NXPE4: variants seen among roughly 807,000 people sequenced by gnomAD.
The protein encoded by NXPE4 is neurexophilin and PC-esterase domain family member 4.
In NXPE4, 42 loss-of-function variants were observed where a neutral mutation model predicts 33.3. The observed-to-expected ratio is 1.26, with a 90% CI of 0.98 to 1.63. The LOEUF is 1.63. Ranked by LOEUF, NXPE4 falls within the 40% of genes most tolerant of loss-of-function variation. The pLI is 0.00. For missense variants in NXPE4, 709 were observed against 647.6 expected, an observed-to-expected ratio of 1.09 and a Z score of -1.03; for synonymous variants, 253 against 234.9, an observed-to-expected ratio of 1.08 and a Z score of -0.71.
the NXPE4 span, among the ~76,000 whole-genome samples, chr11:114,603,083 G>T: frequency 6.6e-6 from 1 of 151,264 alleles, no homozygotes; most frequent in Admixed American, 6.6e-5. Flanking sequence ...ATTACCTAGT[G>T]GATAATAATT....
the NXPE4 span, among the ~76,000 whole-genome samples, chr11:114,601,738 TAATTATAA>T: frequency 1.4e-5 from 1 of 72,018 alleles, no homozygotes; most frequent in African/African-American, 5.8e-5. Context: ...ATATTATATA[TAATTATAA>T]TATATAATAT....
chr11:114,650,662 T>C, the NXPE4 span, among the ~76,000 whole-genome samples: 2 of 152,054 alleles, frequency 1.3e-5, no homozygotes, highest in African/African-American at 4.8e-5. Flanking sequence ...ACCCAGGATA[T>C]ATGCTGATAT....
chr11:114,615,613 A>T, the NXPE4 span, among the ~76,000 whole-genome samples: 8 of 149,162 alleles, frequency 5.4e-5, no homozygotes, highest in South Asian at 1.7e-3. Context: ...ATGGGTAACC[A>T]CTGGTACCTG....
chr11:114,666,161 C>T, the NXPE4 span, among the ~76,000 whole-genome samples: 1 of 152,156 alleles, frequency 6.6e-6, no homozygotes, highest in Non-Finnish European at 1.5e-5. Flanking sequence ...CTCCTTCTCT[C>T]TCTAAGGCTC....
At chr11:114,619,312 C>T in the NXPE4 span, among the ~76,000 whole-genome samples, 3 of 152,092 alleles carry the variant, frequency 2.0e-5, no homozygotes, top group Non-Finnish European at 4.4e-5. Context: ...CCACTGTTCC[C>T]CGCTGGATAA....
intron 4 of NXPE4, among the ~76,000 whole-genome samples, chr11:114,581,510 T>G (rs143022326): frequency 7.9e-5 from 12 of 152,174 alleles, no homozygotes; most frequent in African/African-American, 2.9e-4. Flanking sequence ...ACAAATAGAC[T>G]GATGATGAGA....
chr11:114,653,356 AG>A, the NXPE4 span, among the ~76,000 whole-genome samples: 1 of 152,156 alleles, frequency 6.6e-6, no homozygotes, highest in Non-Finnish European at 1.5e-5. Context: ...TGTCCCTATA[AG>A]CTCAACGGTT....
At chr11:114,630,668 C>G in the NXPE4 span, among the ~76,000 whole-genome samples, 1 of 150,664 alleles carries the variant, frequency 6.6e-6, no homozygotes, top group Non-Finnish European at 1.5e-5. Context: ...CCAAAATTGA[C>G]AAATGGGATC....
chr11:114,632,922 T>C, the NXPE4 span, among the ~76,000 whole-genome samples: 1 of 89,860 alleles, frequency 1.1e-5, no homozygotes, highest in Non-Finnish European at 2.0e-5. Flanking sequence ...ATATTTTATA[T>C]AATTATATAA....
At chr11:114,666,445 A>G in the NXPE4 span, among the ~76,000 whole-genome samples, 1 of 152,218 alleles carries the variant, frequency 6.6e-6, no homozygotes, top group African/African-American at 2.4e-5. Context: ...ATTACTATCA[A>G]AGTATAAAAC....
At chr11:114,580,589 T>A (rs1190336155) in intron 4 of NXPE4, among the ~76,000 whole-genome samples, 2 of 152,234 alleles carry the variant, frequency 1.3e-5, no homozygotes, top group East Asian at 3.9e-4. Flanking sequence ...AGAAAAAAAA[T>A]GGCTTTCTGG....
At chr11:114,618,173 G>T in the NXPE4 span, among the ~76,000 whole-genome samples, 2 of 151,862 alleles carry the variant, frequency 1.3e-5, no homozygotes, top group African/African-American at 2.4e-5. Context: ...GGTAACCATT[G>T]GTACCCGGTG....
At chr11:114,661,188 A>G in the NXPE4 span, among the ~76,000 whole-genome samples, 1 of 152,192 alleles carries the variant, frequency 6.6e-6, no homozygotes, top group East Asian at 1.9e-4. Context: ...AAATTGATCT[A>G]TAGATTCAAT....
the NXPE4 span, among the ~76,000 whole-genome samples, chr11:114,665,624 A>T: frequency 1.3e-5 from 2 of 152,174 alleles, no homozygotes; most frequent in South Asian, 4.1e-4. Context: ...ACTAGAACAG[A>T]TTGCTAAGAG....
At chr11:114,616,946 G>T in the NXPE4 span, among the ~76,000 whole-genome samples, 1 of 146,574 alleles carries the variant, frequency 6.8e-6, no homozygotes, top group Non-Finnish European at 1.5e-5. Context: ...GTTGCCTTGT[G>T]GGTATCCACT....
chr11:114,606,334 T>A, the NXPE4 span, among the ~76,000 whole-genome samples: 1 of 151,698 alleles, frequency 6.6e-6, no homozygotes, highest in Non-Finnish European at 1.5e-5. Flanking sequence ...GGATAATAAG[T>A]GTTACCTTGT....
the NXPE4 span, among the ~76,000 whole-genome samples, chr11:114,638,286 A>G: frequency 8.6e-5 from 13 of 152,008 alleles, no homozygotes; most frequent in Non-Finnish European, 1.9e-4. Flanking sequence ...TTCTTCATGT[A>G]GTTCTCGAGC....
At chr11:114,670,467 T>A in the NXPE4 span, among the ~76,000 whole-genome samples, 4 of 151,754 alleles carry the variant, frequency 2.6e-5, no homozygotes, top group Non-Finnish European at 4.4e-5. Context: ...GCCCTTGTGG[T>A]AGGATCCCTT....
At chr11:114,596,125 G>A (rs563791115), upstream of NXPE4, among the ~76,000 whole-genome samples, 1 of 152,278 alleles carries the variant, frequency 6.6e-6, no homozygotes, top group East Asian at 1.9e-4. Context: ...TCAAGACCCA[G>A]TTGGCAGGAT....
Sources: allele counts gnomAD v4.1 joint callset (sites outside exome capture counted in the v4.1 genomes callset), GRCh38; gene constraint gnomAD v4.1.1; transcripts MANE v1.5; gene names NCBI Gene and HGNC (gene_info 2026-07-23, HGNC 2026-07-21).